Variants in ADD1 observed in about 807,000 individuals in gnomAD.
ADD1 encodes adducin 1, also known as alpha-adducin.
ADD1 carries 24 observed loss-of-function variants against 80.5 expected under a neutral mutation model. The ratio of observed to expected loss-of-function variants is 0.30; its 90% CI spans 0.22 to 0.42. The LOEUF (loss-of-function observed/expected upper bound fraction) is 0.42. ADD1 is among the 10% of genes least tolerant of loss of function. ADD1 has a pLI of 1.00. For synonymous variants in ADD1, 373 were observed against 393.8 expected, an observed-to-expected ratio of 0.95 and a Z score of 0.63; for missense variants, 948 against 1,019.0, an observed-to-expected ratio of 0.93 and a Z score of 0.95.
At chr4:2,885,997 G>A (rs1733305883) in intron 4 of ADD1, among the ~76,000 whole-genome samples, 1 of 152,082 alleles carries the variant, frequency 6.6e-6, no homozygotes, top group African/African-American at 2.4e-5. Flanking sequence ...CCTTTGAACT[G>A]CTTCCTTCCT....
At chr4:2,905,684 T>C (rs1736932768) in intron 10 of ADD1, 1 of 155,948 alleles carries the variant, frequency 6.4e-6, no homozygotes, top group African/African-American at 2.4e-5. Context: ...TGCATGTGAG[T>C]AGACGGCCAT....
At chr4:2,927,045 G>C (rs538191224) in intron 15 of ADD1, among the ~76,000 whole-genome samples, 4 of 152,368 alleles carry the variant, frequency 2.6e-5, no homozygotes, top group South Asian at 2.1e-4. Context: ...TGCCGTGTGG[G>C]GTCAGATTGC....
chr4:2,864,117 A>AT (rs1352032832), intron 1 of ADD1, among the ~76,000 whole-genome samples: 1 of 152,210 alleles, frequency 6.6e-6, no homozygotes, highest in African/African-American at 2.4e-5. Context: ...AAACACTTAA[A>AT]TAACAGAATT....
intron 1 of ADD1, among the ~76,000 whole-genome samples, chr4:2,866,235 C>T (rs1255720847): frequency 1.3e-5 from 2 of 152,152 alleles, no homozygotes; most frequent in African/African-American, 2.4e-5. Flanking sequence ...AGCACAATCT[C>T]GGCTTACTGC....
At chr4:2,880,099 G>A (rs76100175) in intron 2 of ADD1, among the ~76,000 whole-genome samples, 247 of 152,072 alleles carry the variant, frequency 1.6e-3, no homozygotes, top group Non-Finnish European at 2.2e-3. Context: ...ACCATGTTTT[G>A]TTTTTTTCCT....
At chr4:2,886,708 A>G (rs1053506835) in intron 4 of ADD1, among the ~76,000 whole-genome samples, 1 of 152,182 alleles carries the variant, frequency 6.6e-6, no homozygotes, top group African/African-American at 2.4e-5. Flanking sequence ...AAATTACCTC[A>G]GTGAAATTGT....
At chr4:2,894,890 A>AT (rs780603913) in intron 6 of ADD1, among the ~76,000 whole-genome samples, 159 bp downstream of exon 6, 22 of 152,036 alleles carry the variant, frequency 1.4e-4, no homozygotes, top group Non-Finnish European at 2.1e-4. Flanking sequence ...TCTTAAAATA[A>AT]TTTTTTTTCC....
chr4:2,852,193 T>TCTTTCTTTCTTTC (rs1560138273), intron 1 of ADD1, among the ~76,000 whole-genome samples: 7 of 78,260 alleles, frequency 8.9e-5, no homozygotes, highest in Non-Finnish European at 1.4e-4. Context: ...TTTCTTTCTT[T>TCTTTCTTTCTTTC]CTTTCCTTTC....
At chr4:2,924,974 A>T (rs909426249) in intron 14 of ADD1, among the ~76,000 whole-genome samples, 2 of 152,050 alleles carry the variant, frequency 1.3e-5, no homozygotes, top group Non-Finnish European at 2.9e-5. Flanking sequence ...TTTCCCCCCG[A>T]TGTGTGAGGC....
chr4:2,849,462 C>T (rs1236615687), intron 1 of ADD1, among the ~76,000 whole-genome samples: 1 of 152,100 alleles, frequency 6.6e-6, no homozygotes, highest in Non-Finnish European at 1.5e-5. Context: ...ACAGAGTCCA[C>T]AGGTATATCT....
At chr4:2,849,638 C>T (rs1193685745) in intron 1 of ADD1, among the ~76,000 whole-genome samples, 2 of 152,202 alleles carry the variant, frequency 1.3e-5, no homozygotes, top group Non-Finnish European at 2.9e-5. Context: ...TTCTCTCCTT[C>T]TCTTACTCTG....
In ADD1 at chr4:2,882,015, G is replaced by A. The variant is rs767924054; in HGVS notation, c.313G>A (p.Val105Ile). 1.4e-5 allele frequency: 23 copies of A among 1,613,188 alleles called. No individual in the cohort carries two copies. Among genetic ancestry groups the A allele is most frequent in the Non-Finnish European group, 1.8e-5 (21 of 1,179,810 alleles). ...ADFMTTNVPNVYPAAPQGGMA... is the reference protein window; with the variant it reads ...ADFMTTNVPNIYPAAPQGGMA... ...TTTTATGACCACGAATGTACCAAATGTCTACCCAGCAGCTCCGCAAGGAGG... is the reference window on the plus strand; with the variant it reads ...TTTTATGACCACGAATGTACCAAATATCTACCCAGCAGCTCCGCAAGGAGG... Residue 105 changes from valine (V) to isoleucine (I), a missense_variant, in exon 3 of 16, where the codon GTC becomes ATC. Transcript: ENST00000683351.
chr4:2,891,985 C>T (rs181191290), intron 4 of ADD1, among the ~76,000 whole-genome samples: 3 of 152,306 alleles, frequency 2.0e-5, no homozygotes, highest in East Asian at 1.9e-4. Context: ...CTAGAAAGAA[C>T]GTTTTAATCC....
intron 9 of ADD1, chr4:2,902,228 G>C (rs1736307445): frequency 6.6e-6 from 1 of 152,206 alleles, no homozygotes; most frequent in Non-Finnish European, 1.5e-5. Context: ...GGAGATTACT[G>C]AGTTCTGGCT....
Position 2,876,019 on chromosome 4 carries a change from A to G in ADD1, c.104A>G (p.Tyr35Cys). The G allele has an allele frequency of 1.2e-6, 2 of 1,614,158 alleles. No homozygotes were observed. Among genetic ancestry groups the G allele is most frequent in the Non-Finnish European group, 1.7e-6 (2 of 1,179,996 alleles). ...CGAGTAGATGAGAACAACCCAGAGT[A>G]CTTGAGGGAGAGGAACATGGCACCA... ...FDRVDENNPE[Y>C]LRERNMAPDL... The change falls in exon 2 of 16, where the codon TAC (tyrosine) becomes TGC (cysteine). Residue 35 changes from tyrosine to cysteine, a missense_variant. Coordinates refer to ENST00000683351, the MANE Select transcript of ADD1 (RefSeq NM_001354761.2).
intron 1 of ADD1, among the ~76,000 whole-genome samples, chr4:2,850,975 G>T (rs986111001): frequency 6.6e-6 from 1 of 152,186 alleles, no homozygotes; most frequent in African/African-American, 2.4e-5. Context: ...TGTGTATGGG[G>T]TTTCTTTTTG....
At chr4:2,892,376 C>T (rs750708115) in intron 4 of ADD1, among the ~76,000 whole-genome samples, 12 of 152,136 alleles carry the variant, frequency 7.9e-5, no homozygotes, top group Non-Finnish European at 1.5e-4. Flanking sequence ...TTTTTGAGGG[C>T]AGGTCTCTTC....
intron 2 of ADD1, among the ~76,000 whole-genome samples, chr4:2,879,489 AAC>A (rs1731886005): frequency 1.3e-5 from 2 of 152,172 alleles, no homozygotes; most frequent in South Asian, 4.1e-4. Context: ...TGGATTTGAA[AAC>A]CATTGAAATA....
At chr4:2,885,711 G>A (rs1199739230) in intron 4 of ADD1, among the ~76,000 whole-genome samples, 5 of 151,774 alleles carry the variant, frequency 3.3e-5, no homozygotes, top group East Asian at 1.9e-4. Flanking sequence ...CCGGGTTCAC[G>A]CCATTCTCCT....
Sources: gnomAD v4.1 joint callset for allele counts (sites outside exome capture counted in the v4.1 genomes callset) on GRCh38, gnomAD v4.1.1 for gene constraint, MANE v1.5 for transcripts, NCBI Gene and HGNC (gene_info 2026-07-23, HGNC 2026-07-21) for gene names.